ABLIM1: variants seen among roughly 807,000 people sequenced by gnomAD.
The protein encoded by ABLIM1 is actin binding LIM protein 1, also known as actin-binding LIM protein 1.
In ABLIM1, 40 loss-of-function variants were observed where a neutral mutation model predicts 107.0. The ratio of observed to expected loss-of-function variants is 0.37; its 90% CI spans 0.29 to 0.49. The LOEUF (loss-of-function observed/expected upper bound fraction) is 0.49, where lower values mean the gene tolerates loss of function less well. Ranked by LOEUF, ABLIM1 falls within the 20% of genes least tolerant of loss-of-function variation. The pLI, the probability that ABLIM1 is intolerant of heterozygous loss-of-function variation, is 0.97. For missense variants in ABLIM1, 857 were observed against 1,008.5 expected (o/e 0.85, Z 2.04); for synonymous variants, 357 against 357.3 (o/e 1.00, Z 0.01).
At position 114,435,162 on chromosome 10, in the gene ABLIM1, C is replaced by T. The variant is rs1307981521; in HGVS notation, c.*1098G>A. On this transcript the variant is annotated 3_prime_UTR_variant, in exon 23 of 23. Coordinates refer to ENST00000533213, the MANE Select transcript of ABLIM1 (RefSeq NM_002313.7). Reference sequence around the variant, plus strand: ...CTGAAAAGGCCAAATTAAATACGTTCGAAGGAGTCTACTTTGGAGTTGCAG... The same window carrying T: ...CTGAAAAGGCCAAATTAAATACGTTTGAAGGAGTCTACTTTGGAGTTGCAG... 1 of 152,142 alleles carries T rather than the reference C, an allele frequency of 6.6e-6. No homozygotes were observed. Among genetic ancestry groups the T allele is most frequent in the Non-Finnish European group, 1.5e-5 (1 of 68,040 alleles). The allele number at this position is 152,142 out of a possible 1,614,324, so 9.4% of individuals were successfully genotyped here. A position where few individuals can be genotyped will look rare whatever the true frequency, so the allele number is the denominator to read the frequency against.
intron 6 of ABLIM1, among the ~76,000 whole-genome samples, chr10:114,506,487 T>C (rs1424334915): frequency 6.6e-6 from 1 of 152,218 alleles, no homozygotes; most frequent in Non-Finnish European, 1.5e-5. Context: ...CAGCAGTGTA[T>C]AAGCGTTCCC....
At chr10:114,666,174 A>T (rs2080017741) in intron 1 of ABLIM1, among the ~76,000 whole-genome samples, 1 of 152,148 alleles carries the variant, frequency 6.6e-6, no homozygotes, top group Non-Finnish European at 1.5e-5. Context: ...CACTGAATCT[A>T]TTGGCTGCCA....
chr10:114,671,683 A>T (rs894992901), intron 1 of ABLIM1, among the ~76,000 whole-genome samples: 1 of 152,224 alleles, frequency 6.6e-6, no homozygotes, highest in Non-Finnish European at 1.5e-5. Flanking sequence ...AAGTTTGTAA[A>T]TAAAGTTTTA....
intron 4 of ABLIM1, among the ~76,000 whole-genome samples, chr10:114,571,026 A>G (rs1649552726): frequency 1.3e-5 from 2 of 152,126 alleles, no homozygotes; most frequent in African/African-American, 4.8e-5. Context: ...GATGCTCGTC[A>G]TCTCCTGTCT....
chr10:114,528,038 A>G (rs1412171990), intron 6 of ABLIM1, among the ~76,000 whole-genome samples: 1 of 151,826 alleles, frequency 6.6e-6, no homozygotes, highest in African/African-American at 2.4e-5. Context: ...GGGTTTCACC[A>G]CATTGGCCAG....
chr10:114,457,891 G>A (rs2063127794), intron 12 of ABLIM1, among the ~76,000 whole-genome samples: 1 of 152,160 alleles, frequency 6.6e-6, no homozygotes, highest in Non-Finnish European at 1.5e-5. Flanking sequence ...GGCCAACATG[G>A]TGAAACCCTG....
chr10:114,682,126 TG>T (rs1265752257), intron 1 of ABLIM1, among the ~76,000 whole-genome samples: 1 of 152,256 alleles, frequency 6.6e-6, no homozygotes, highest in Non-Finnish European at 1.5e-5. Context: ...ATGTTAACGA[TG>T]GAGACATACA....
Position 114,731,332 on chromosome 10 carries a change from G to T in ABLIM1, c.-213+36729C>A, listed in dbSNP as rs191838470. On this transcript the variant is annotated intron_variant, in intron 1 of 15. Coordinates refer to the ABLIM1 transcript ENST00000651092. Reference sequence around the variant, plus strand: ...ATTTTTTTTATTTTTAGTAGAAACAGGGTTTCACCATGTTGCCCAGGCTAG... The same window carrying T: ...ATTTTTTTTATTTTTAGTAGAAACATGGTTTCACCATGTTGCCCAGGCTAG... Among the ~76,000 whole-genome samples the T allele has an allele frequency of 2.6e-4, 40 of 152,100 alleles. No homozygotes were observed. The East Asian group carries it at 7.6e-3, about 29-fold the overall frequency.
At chr10:114,655,586 G>A (rs1262826804) in intron 1 of ABLIM1, among the ~76,000 whole-genome samples, 1 of 152,116 alleles carries the variant, frequency 6.6e-6, no homozygotes, top group African/African-American at 2.4e-5. Flanking sequence ...ATTCCTATTT[G>A]TGGAATAAAA....
intron 6 of ABLIM1, among the ~76,000 whole-genome samples, chr10:114,536,835 A>T (rs187520064): frequency 6.6e-6 from 1 of 152,190 alleles, no homozygotes; most frequent in Non-Finnish European, 1.5e-5. Flanking sequence ...TATGCTCTCA[A>T]ACTTGAGACA....
intron 1 of ABLIM1, among the ~76,000 whole-genome samples, chr10:114,676,870 G>A (rs1051864528): frequency 1.3e-5 from 2 of 152,110 alleles, no homozygotes. Flanking sequence ...TGAGTAGCTG[G>A]GAGTACAGGC....
At chr10:114,658,746 G>A (rs77431358), upstream of ABLIM1, among the ~76,000 whole-genome samples, 344 of 152,236 alleles carry the variant, frequency 2.3e-3, 10 homozygotes, top group East Asian at 0.064. Context: ...CATAGTAAAC[G>A]ATCATTTCCT....
chr10:114,658,309 C>A (rs2079624808), upstream of ABLIM1: 2 of 1,504,276 alleles, frequency 1.3e-6, no homozygotes, highest in African/African-American at 2.8e-5. Context: ...CCTTTTCTCA[C>A]TGCCCAGCAA....
the ABLIM1 span, among the ~76,000 whole-genome samples, chr10:114,780,672 T>C: frequency 6.6e-6 from 1 of 152,200 alleles, no homozygotes; most frequent in Non-Finnish European, 1.5e-5. Context: ...CTTTGGTCTG[T>C]TGGGCCCAGT....
chr10:114,458,738 TA>T (rs941294756), intron 12 of ABLIM1, among the ~76,000 whole-genome samples: 54 of 152,326 alleles, frequency 3.5e-4, no homozygotes, highest in African/African-American at 1.2e-3. Context: ...TTAATATATG[TA>T]ACCCTCCTGC....
chr10:114,667,192 A>T (rs542831096), intron 1 of ABLIM1, among the ~76,000 whole-genome samples: 1 of 152,318 alleles, frequency 6.6e-6, no homozygotes, highest in Middle Eastern at 3.4e-3. Context: ...TACCGGGGGA[A>T]GGTAGCGGGG....
At chr10:114,596,813 T>C (rs1410556863) in intron 2 of ABLIM1, among the ~76,000 whole-genome samples, 1 of 152,082 alleles carries the variant, frequency 6.6e-6, no homozygotes, top group Non-Finnish European at 1.5e-5. Context: ...GCAAAAAGAG[T>C]TCATCCTTGC....
chr10:114,445,490 G>A (rs1347724438), intron 15 of ABLIM1, 87 bp from the exon 16 acceptor site: 2 of 1,169,750 alleles, frequency 1.7e-6, no homozygotes, highest in East Asian at 4.7e-5. Context: ...CAGTTTGTTA[G>A]GCTGGCAAGG....
chr10:114,763,349 T>TTTTAATTATA (rs1270620894), intron 1 of ABLIM1, among the ~76,000 whole-genome samples: 80 of 152,280 alleles, frequency 5.3e-4, no homozygotes, highest in African/African-American at 1.9e-3. Context: ...TAATTTAATA[T>TTTTAATTATA]TTTAATGTAT....
Sources: allele counts gnomAD v4.1 joint callset (sites outside exome capture counted in the v4.1 genomes callset), GRCh38; gene constraint gnomAD v4.1.1; transcripts MANE v1.5; gene names NCBI Gene and HGNC (gene_info 2026-07-23, HGNC 2026-07-21).